Variants in NEK1 observed in about 807,000 individuals in gnomAD.
NEK1 encodes the protein serine/threonine-protein kinase Nek1.
A neutral mutation model predicts 182.1 loss-of-function variants in NEK1; 137 were observed. The observed-to-expected ratio is 0.75, with a 90% CI of 0.65 to 0.87. The LOEUF is 0.87. NEK1 is among the 40% of genes least tolerant of loss of function. The pLI, the probability that NEK1 is intolerant of heterozygous loss-of-function variation, is 0.00. For missense variants in NEK1, 1,391 were observed against 1,494.4 expected, an observed-to-expected ratio of 0.93 and a Z score of 1.14; for synonymous variants, 513 against 492.2, an observed-to-expected ratio of 1.04 and a Z score of -0.56.
chr4:169,426,711 C>T (rs1029082964), intron 29 of NEK1, among the ~76,000 whole-genome samples: 2 of 152,078 alleles, frequency 1.3e-5, no homozygotes, highest in Admixed American at 1.3e-4. Flanking sequence ...TATATTAATA[C>T]CATGGAATAT....
chr4:169,415,456 A>T (rs1734382276), intron 31 of NEK1, among the ~76,000 whole-genome samples: 1 of 152,232 alleles, frequency 6.6e-6, no homozygotes, highest in African/African-American at 2.4e-5. Flanking sequence ...CCTCTGGGGA[A>T]TATGGCATAG....
chr4:169,538,115 C>T (rs1211756167), intron 18 of NEK1, among the ~76,000 whole-genome samples: 1 of 151,940 alleles, frequency 6.6e-6, no homozygotes, highest in Non-Finnish European at 1.5e-5. Context: ...CAAGTAAAAT[C>T]TATAATTCTA....
chr4:169,454,226 C>G (rs777128257), intron 27 of NEK1, among the ~76,000 whole-genome samples: 5 of 152,084 alleles, frequency 3.3e-5, no homozygotes, highest in Non-Finnish European at 7.4e-5. Flanking sequence ...CCATAGAAAC[C>G]CTAGAAGAAA....
At chr4:169,423,214 T>C (rs1735778122) in intron 31 of NEK1, among the ~76,000 whole-genome samples, 1 of 152,176 alleles carries the variant, frequency 6.6e-6, no homozygotes, top group Non-Finnish European at 1.5e-5. Flanking sequence ...GTGATTCTCT[T>C]GCCTCAGCCT....
At chr4:169,506,837 T>G (rs57222846) in intron 23 of NEK1, 200 bp downstream of exon 23, 7 of 252,466 alleles carry the variant, frequency 2.8e-5, no homozygotes, top group Non-Finnish European at 5.1e-5. Flanking sequence ...CCCAAATAAC[T>G]TCCACATTGA....
At chr4:169,591,737 G>C (rs188800113) in intron 5 of NEK1, among the ~76,000 whole-genome samples, 1 of 151,708 alleles carries the variant, frequency 6.6e-6, no homozygotes, top group Non-Finnish European at 1.5e-5. Flanking sequence ...ACTAAAGCAG[G>C]ACTTTCAAAA....
intron 6 of NEK1, 88 bp downstream of exon 6, chr4:169,590,638 T>TA: frequency 1.3e-6 from 1 of 785,514 alleles, no homozygotes; most frequent in Admixed American, 2.3e-5. Context: ...TGATGCACAC[T>TA]AAATCAGGTT....
At chr4:169,577,518 A>C (rs567837051) in intron 11 of NEK1, among the ~76,000 whole-genome samples, 1 of 152,326 alleles carries the variant, frequency 6.6e-6, no homozygotes, top group South Asian at 2.1e-4. Flanking sequence ...CTGTAATCCC[A>C]GCACTTTGGG....
rs72691099 is a variant in NEK1 at position 169,511,098 on chromosome 4, A to C, written c.1666-2246T>G. Among the ~76,000 whole-genome samples the C allele has an allele frequency of 3.9e-3, 597 of 152,288 alleles. 5 individuals carry two copies. The highest frequency in any genetic ancestry group is 0.029 in the South Asian group (141 of 4,824). On this transcript the variant is annotated intron_variant, in intron 19 of 35. Transcript: ENST00000507142. ...CTGTTGATCTTAAACAAAACTGCTTAAACTTGTTGTTAAGTCTAGGCATAA... is the reference window on the plus strand; with the variant it reads ...CTGTTGATCTTAAACAAAACTGCTTCAACTTGTTGTTAAGTCTAGGCATAA...
At chr4:169,479,169 T>A (rs1228522027) in intron 24 of NEK1, among the ~76,000 whole-genome samples, 1 of 152,118 alleles carries the variant, frequency 6.6e-6, no homozygotes, top group Non-Finnish European at 1.5e-5. Flanking sequence ...AATATTCTTT[T>A]AAAGTAATAT....
chr4:169,438,329 G>C, intron 27 of NEK1, 70 bp from the exon 28 acceptor site: 2 of 1,242,368 alleles, frequency 1.6e-6, no homozygotes, highest in Non-Finnish European at 2.2e-6. Context: ...ATGGCATTGG[G>C]GGCAAAGTTC....
intron 12 of NEK1, among the ~76,000 whole-genome samples, chr4:169,566,802 TA>T (rs953742357): frequency 2.0e-5 from 3 of 151,180 alleles, no homozygotes; most frequent in Admixed American, 6.6e-5. Flanking sequence ...AAAAATGAGA[TA>T]AAAAAAAATC....
chr4:169,569,859 C>A (rs1764388012), intron 12 of NEK1, among the ~76,000 whole-genome samples: 1 of 152,198 alleles, frequency 6.6e-6, no homozygotes, highest in Non-Finnish European at 1.5e-5. Flanking sequence ...CACCTCCCAG[C>A]CGCCTGCCTT....
intron 31 of NEK1, among the ~76,000 whole-genome samples, chr4:169,408,020 C>T (rs1338460392): frequency 6.7e-6 from 1 of 148,908 alleles, no homozygotes; most frequent in Non-Finnish European, 1.5e-5. Flanking sequence ...CTGTAGAATT[C>T]ACACTTTCCT....
intron 27 of NEK1, among the ~76,000 whole-genome samples, chr4:169,458,537 A>G (rs759364288): frequency 1.3e-5 from 2 of 152,046 alleles, no homozygotes; most frequent in Admixed American, 6.6e-5. Context: ...AGACCAGCCT[A>G]AGCAACACGG....
At chr4:169,570,472 C>T (rs1192284685) in intron 12 of NEK1, among the ~76,000 whole-genome samples, 16 of 151,080 alleles carry the variant, frequency 1.1e-4, no homozygotes, top group African/African-American at 2.2e-4. Context: ...ATCAGCCCCC[C>T]GCCCGGCCAG....
intron 5 of NEK1, among the ~76,000 whole-genome samples, chr4:169,594,080 G>C (rs1769032130): frequency 6.6e-6 from 1 of 151,438 alleles, no homozygotes; most frequent in South Asian, 2.1e-4. Flanking sequence ...ACAAAATACT[G>C]TTTCGAAAAT....
At chr4:169,493,706 G>C (rs966311806) in intron 23 of NEK1, among the ~76,000 whole-genome samples, 3 of 152,060 alleles carry the variant, frequency 2.0e-5, no homozygotes, top group Admixed American at 2.0e-4. Flanking sequence ...CTCAAAGACT[G>C]GTCTTTTGAA....
intron 31 of NEK1, among the ~76,000 whole-genome samples, chr4:169,420,704 T>G (rs1735344973): frequency 2.0e-5 from 3 of 152,142 alleles, no homozygotes; most frequent in African/African-American, 7.2e-5. Context: ...GAAGGGAGAT[T>G]ATGCTAAGCT....
Sources: allele counts gnomAD v4.1 joint callset (sites outside exome capture counted in the v4.1 genomes callset), GRCh38; gene constraint gnomAD v4.1.1; transcripts MANE v1.5; gene names NCBI Gene and HGNC (gene_info 2026-07-23, HGNC 2026-07-21).